Variants in HTR4 observed in about 807,000 individuals in gnomAD.
HTR4 encodes 5-hydroxytryptamine (serotonin) receptor 4, G protein-coupled.
In HTR4, 16 loss-of-function variants were observed where a neutral mutation model predicts 36.8. That is an observed-to-expected ratio of 0.43 (90% confidence interval 0.29 to 0.66). The LOEUF (loss-of-function observed/expected upper bound fraction) is 0.66, where lower values mean the gene tolerates loss of function less well. HTR4 is among the 30% of genes least tolerant of loss of function. HTR4 has a pLI of 0.13. For synonymous variants in HTR4, 189 were observed against 185.1 expected (o/e 1.02, Z -0.17); for missense variants, 438 against 490.9 (o/e 0.89, Z 1.02).
intron 4 of HTR4, among the ~76,000 whole-genome samples, chr5:148,548,123 T>C (rs542934702): frequency 2.6e-5 from 4 of 152,294 alleles, no homozygotes; most frequent in African/African-American, 9.6e-5. Flanking sequence ...AAGAATGAAA[T>C]GCTAGATCTG....
chr5:148,626,621 A>C (rs997276833), intron 2 of HTR4, among the ~76,000 whole-genome samples: 3 of 152,170 alleles, frequency 2.0e-5, no homozygotes, highest in Non-Finnish European at 4.4e-5. Flanking sequence ...GACAGTTTTA[A>C]CCTTTGGATA....
At chr5:148,617,684 G>T (rs1041595580) in intron 2 of HTR4, among the ~76,000 whole-genome samples, 2 of 151,870 alleles carry the variant, frequency 1.3e-5, no homozygotes, top group African/African-American at 2.4e-5. Flanking sequence ...GGCCAGGCTG[G>T]TCTCAAACTC....
At chr5:148,486,429 G>T (rs1299349631) in intron 6 of HTR4, among the ~76,000 whole-genome samples, 2 of 152,296 alleles carry the variant, frequency 1.3e-5, no homozygotes, top group African/African-American at 4.8e-5. Flanking sequence ...GAAAGCAGCA[G>T]AGTGTAGCAA....
At chr5:148,498,950 T>C (rs926536784) in intron 6 of HTR4, among the ~76,000 whole-genome samples, 39 of 152,144 alleles carry the variant, frequency 2.6e-4, no homozygotes, top group African/African-American at 9.4e-4. Flanking sequence ...TAGAGAAATA[T>C]GAACAAAATG....
At chr5:148,587,319 A>G (rs778531671) in intron 2 of HTR4, among the ~76,000 whole-genome samples, 13 of 152,256 alleles carry the variant, frequency 8.5e-5, no homozygotes, top group Non-Finnish European at 1.6e-4. Context: ...AGAATGAAGA[A>G]ACAGGCTTAG....
Position 148,509,516 on chromosome 5 carries a change from A to C in HTR4, c.1016T>G (p.Ile339Ser), listed in dbSNP as rs765825443. The C allele has an allele frequency of 1.2e-6, 2 of 1,614,008 alleles. No homozygotes were observed. The highest frequency in any genetic ancestry group is 2.2e-5 in the South Asian group (2 of 91,078). Residue 339 changes from isoleucine (I) to serine (S), a missense_variant, in exon 6 of 7, where the codon ATT becomes AGT. By Grantham distance (142) the Ile-to-Ser change is moderately radical. Transcript: ENST00000377888. Reference sequence around the variant, plus strand: ...TGAACAAGGGACAGTCTGGCCCAGAATGGAAGGTCTTCGGTAGCGCTCATC... The same window carrying C: ...TGAACAAGGGACAGTCTGGCCCAGACTGGAAGGTCTTCGGTAGCGCTCATC... Reference protein sequence around the residue: ...CDDERYRRPSILGQTVPCSTT... With the variant: ...CDDERYRRPSSLGQTVPCSTT...
chr5:148,528,592 T>A (rs1211924057), intron 4 of HTR4, among the ~76,000 whole-genome samples: 1 of 152,198 alleles, frequency 6.6e-6, no homozygotes, highest in Non-Finnish European at 1.5e-5. Context: ...AGTTCTAGTG[T>A]TAACCGATGG....
chr5:148,453,561 A>G (rs1755024883), intron 5 of HTR4, among the ~76,000 whole-genome samples: 1 of 152,210 alleles, frequency 6.6e-6, no homozygotes, highest in South Asian at 2.1e-4. Flanking sequence ...CAGCAGATGC[A>G]AAGGTCCTGA....
At chr5:148,596,222 TA>T (rs2127263468) in intron 2 of HTR4, among the ~76,000 whole-genome samples, 1 of 152,328 alleles carries the variant, frequency 6.6e-6, no homozygotes, top group South Asian at 2.1e-4. Context: ...TATGTGCCGA[TA>T]ATATCTTACT....
rs182796975 is a variant in HTR4, at chr5:148,487,447, T to C, written c.1077-4154A>G. On this transcript the variant is annotated intron_variant, in intron 6 of 6. Transcript: ENST00000377888. ...GAGGAGGAGGAGGAGGAGAATCACT[T>C]GCTAAGTCATCTTTCTCAAAGGTCC... 2.0e-5 allele frequency among the ~76,000 whole-genome samples: 3 copies of C among 152,170 alleles called. No individual in the cohort carries two copies. The East Asian group carries it at 5.8e-4, about 29-fold the overall frequency.
intron 6 of HTR4, among the ~76,000 whole-genome samples, chr5:148,502,372 T>C (rs1035549053): frequency 1.2e-4 from 19 of 152,324 alleles, no homozygotes; most frequent in African/African-American, 2.4e-5. Flanking sequence ...CTGCTGCTGA[T>C]ACCCAGGCTA....
chr5:148,508,248 T>A (rs1757316178), intron 6 of HTR4, among the ~76,000 whole-genome samples: 2 of 152,176 alleles, frequency 1.3e-5, no homozygotes. Flanking sequence ...AAGAAGGAAC[T>A]ACTCCTTAGA....
At chr5:148,541,392 AAGGCCTACTCTCAAGAATTTTAT>A (rs1406525239) in intron 4 of HTR4, among the ~76,000 whole-genome samples, 1 of 152,232 alleles carries the variant, frequency 6.6e-6, no homozygotes, top group Non-Finnish European at 1.5e-5. Context: ...TAGATAAGAT[AAGGCCTACTCTCAAGAATTTTAT>A]ATTCTGGAGC....
At chr5:148,521,971 T>C (rs185171318) in intron 5 of HTR4, among the ~76,000 whole-genome samples, 105 of 152,296 alleles carry the variant, frequency 6.9e-4, no homozygotes, top group Non-Finnish European at 1.2e-3. Context: ...CTGTAGCTCC[T>C]CCCATAATTC....
rs1328412925 is a variant in HTR4, at chr5:148,583,817, C to T, written c.27-33555G>A. On this transcript the variant is annotated intron_variant, in intron 2 of 6. Transcript: ENST00000377888. ...CCTGGGAAGCTGCCTGGTCATTTTT[C>T]GGCTGCTTTTTTAATACCCCAAGGA... 3.3e-5 allele frequency among the ~76,000 whole-genome samples: 5 copies of T among 152,016 alleles called. No individual in the cohort carries two copies. In the East Asian group the frequency reaches 5.8e-4, roughly 18 times the overall value.
intron 1 of HTR4, among the ~76,000 whole-genome samples, chr5:148,647,709 C>T (rs1042052078): frequency 4.6e-5 from 7 of 152,112 alleles, no homozygotes; most frequent in African/African-American, 1.4e-4. Flanking sequence ...ATTAGCTGGG[C>T]GTGGTGTTGC....
At chr5:148,463,108 G>A (rs1044035387) in intron 5 of HTR4, among the ~76,000 whole-genome samples, 3 of 150,748 alleles carry the variant, frequency 2.0e-5, no homozygotes, top group African/African-American at 7.3e-5. Flanking sequence ...AAGAAGTCAA[G>A]GATGTCCGCT....
chr5:148,542,327 C>T (rs1407527422), intron 4 of HTR4, among the ~76,000 whole-genome samples: 7 of 152,152 alleles, frequency 4.6e-5, no homozygotes, highest in African/African-American at 1.7e-4. Context: ...TGACACAGTT[C>T]ACAATGACAG....
chr5:148,503,732 G>A (rs976540805), intron 6 of HTR4, among the ~76,000 whole-genome samples: 4 of 151,980 alleles, frequency 2.6e-5, no homozygotes, highest in Non-Finnish European at 2.9e-5. Context: ...ATCAGTGTGC[G>A]GTGTTCAGGA....
Sources: allele counts gnomAD v4.1 joint callset (sites outside exome capture counted in the v4.1 genomes callset), GRCh38; gene constraint gnomAD v4.1.1; transcripts MANE v1.5; gene names NCBI Gene and HGNC (gene_info 2026-07-23, HGNC 2026-07-21).